CDH8: variants seen among roughly 807,000 people sequenced by gnomAD.
CDH8 encodes cadherin 8.
Under a neutral mutation model 68.1 loss-of-function variants are expected in CDH8, and 17 were observed. The ratio of observed to expected loss-of-function variants is 0.25; its 90% CI spans 0.17 to 0.37. CDH8 has a LOEUF of 0.37. Ranked by LOEUF, CDH8 falls within the 10% of genes least tolerant of loss-of-function variation. The pLI is 1.00. For missense variants in CDH8, 763 were observed against 999.3 expected (o/e 0.76, Z 3.19); for synonymous variants, 372 against 365.1 (o/e 1.02, Z -0.21).
chr16:61,855,681 T>C (rs181299416), intron 4 of CDH8, among the ~76,000 whole-genome samples: 2 of 152,300 alleles, frequency 1.3e-5, no homozygotes, highest in Admixed American at 1.3e-4. Flanking sequence ...AACACATTTC[T>C]GTCTTACAGA....
chr16:61,796,027 TAGA>T (rs1961493402), intron 7 of CDH8, among the ~76,000 whole-genome samples: 4 of 152,030 alleles, frequency 2.6e-5, no homozygotes, highest in Admixed American at 6.6e-5. Context: ...TAGCATCACA[TAGA>T]TTGTGAAGTT....
intron 4 of CDH8, among the ~76,000 whole-genome samples, chr16:61,833,749 A>G (rs1451296582): frequency 1.3e-5 from 2 of 152,068 alleles, no homozygotes; most frequent in Non-Finnish European, 2.9e-5. Flanking sequence ...AATACAGTCT[A>G]GAACACACTT....
At chr16:61,820,211 C>T (rs1962176905) in intron 6 of CDH8, among the ~76,000 whole-genome samples, 1 of 151,726 alleles carries the variant, frequency 6.6e-6, no homozygotes, top group South Asian at 2.1e-4. Flanking sequence ...ATGCTCAAAC[C>T]TCTGAGCCAT....
chr16:61,661,427 A>G (rs1456552219), intron 10 of CDH8, among the ~76,000 whole-genome samples: 1 of 151,958 alleles, frequency 6.6e-6, no homozygotes, highest in Non-Finnish European at 1.5e-5. Flanking sequence ...TGAAACTAAT[A>G]ATAGGAAGAA....
chr16:61,992,785 T>C (rs1031693983), intron 2 of CDH8, among the ~76,000 whole-genome samples: 1 of 152,176 alleles, frequency 6.6e-6, no homozygotes, highest in Non-Finnish European at 1.5e-5. Flanking sequence ...ACATTTTTTC[T>C]TCTTTTTTGC....
chr16:62,033,874 A>G (rs1236402440), intron 1 of CDH8, among the ~76,000 whole-genome samples: 1 of 151,838 alleles, frequency 6.6e-6, no homozygotes. Flanking sequence ...CCAGAAAAAA[A>G]AAAATCAAAG....
intron 8 of CDH8, among the ~76,000 whole-genome samples, chr16:61,755,779 T>A (rs988682989): frequency 6.6e-6 from 1 of 151,950 alleles, no homozygotes; most frequent in Non-Finnish European, 1.5e-5. Context: ...CTCCTTCTCC[T>A]TCTCCTTCTC....
At chr16:61,764,031 G>A (rs16963931) in intron 8 of CDH8, among the ~76,000 whole-genome samples, 23,935 of 152,008 alleles carry the variant, frequency 0.16, 3,069 homozygotes, top group African/African-American at 0.36. Context: ...CATATGAATC[G>A]AATGAATTAA....
intron 3 of CDH8, among the ~76,000 whole-genome samples, chr16:61,883,726 A>T (rs1379731360): frequency 2.6e-5 from 4 of 151,624 alleles, no homozygotes; most frequent in Non-Finnish European, 5.9e-5. Flanking sequence ...CAATGCTCTG[A>T]CCAAGGAAAG....
At chr16:61,810,140 A>G (rs1961905300) in intron 7 of CDH8, among the ~76,000 whole-genome samples, 1 of 152,214 alleles carries the variant, frequency 6.6e-6, no homozygotes, top group Non-Finnish European at 1.5e-5. Context: ...ATAATGAAAT[A>G]AACCCCTTAG....
intron 3 of CDH8, among the ~76,000 whole-genome samples, chr16:61,893,446 A>G (rs958410069): frequency 6.6e-6 from 1 of 151,212 alleles, no homozygotes; most frequent in African/African-American, 2.4e-5. Flanking sequence ...GTGTGTGTAC[A>G]TTCTCCCAAA....
At chr16:61,737,049 T>A (rs1959717531) in intron 8 of CDH8, among the ~76,000 whole-genome samples, 1 of 152,168 alleles carries the variant, frequency 6.6e-6, no homozygotes, top group African/African-American at 2.4e-5. Context: ...CTTCTACCAT[T>A]TGAGTAGTAG....
chr16:61,712,956 T>A (rs1400027683), intron 10 of CDH8, among the ~76,000 whole-genome samples: 1 of 151,590 alleles, frequency 6.6e-6, no homozygotes, highest in African/African-American at 2.4e-5. Context: ...ATGAATCAAA[T>A]TTTACTCTTC....
chr16:61,938,894 G>T (rs540095299), intron 2 of CDH8, among the ~76,000 whole-genome samples: 1 of 152,260 alleles, frequency 6.6e-6, no homozygotes, highest in Non-Finnish European at 1.5e-5. Flanking sequence ...TAAATGAGAT[G>T]ATATATGTAA....
rs920958462 is a variant in CDH8, at chr16:61,650,489, C to T, written c.*3119G>A. ...ATGAAACAGACAACAATGCACATAG[C>T]TTTAAAAATATAGTCATTTCAATAA... On this transcript the variant is annotated 3_prime_UTR_variant, in exon 12 of 12. Coordinates refer to ENST00000577390, the MANE Select transcript of CDH8 (RefSeq NM_001796.5). 6.6e-6 allele frequency: 1 copy of T among 151,986 alleles called. No homozygotes were observed. Among genetic ancestry groups the T allele is most frequent in the Non-Finnish European group, 1.5e-5 (1 of 68,000 alleles). The allele number at this position is 151,986 out of a possible 1,614,324, so 9.4% of individuals were successfully genotyped here.
intron 8 of CDH8, among the ~76,000 whole-genome samples, chr16:61,733,360 T>C (rs999988022): frequency 6.6e-6 from 1 of 151,890 alleles, no homozygotes; most frequent in Admixed American, 6.6e-5. Context: ...ATATAACTGA[T>C]TTGATAAACA....
intron 2 of CDH8, among the ~76,000 whole-genome samples, chr16:61,999,876 G>A (rs1168607382): frequency 1.3e-5 from 2 of 152,034 alleles, no homozygotes; most frequent in Non-Finnish European, 2.9e-5. Flanking sequence ...CATGTACCAC[G>A]GTGGTTTGCT....
intron 8 of CDH8, among the ~76,000 whole-genome samples, chr16:61,784,192 A>G (rs1961168430): frequency 1.3e-5 from 2 of 152,020 alleles, no homozygotes; most frequent in South Asian, 4.2e-4. Context: ...CAGGAAACCC[A>G]TCTCACGTGC....
intron 2 of CDH8, among the ~76,000 whole-genome samples, chr16:61,908,501 T>G (rs3784853): frequency 1.1e-4 from 16 of 152,222 alleles, no homozygotes; most frequent in African/African-American, 3.9e-4. Flanking sequence ...AGCCTTGAAA[T>G]TGACTCATGT....
Sources: gnomAD v4.1 joint callset for allele counts (sites outside exome capture counted in the v4.1 genomes callset) on GRCh38, gnomAD v4.1.1 for gene constraint, MANE v1.5 for transcripts, NCBI Gene and HGNC (gene_info 2026-07-23, HGNC 2026-07-21) for gene names.